Variants in PATJ observed in about 807,000 individuals in gnomAD.
The protein encoded by PATJ is inaD-like protein.
PATJ carries 190 observed loss-of-function variants against 224.9 expected under a neutral mutation model. The ratio of observed to expected loss-of-function variants is 0.84; its 90% CI spans 0.75 to 0.95. PATJ has a LOEUF of 0.95. Among genes scored for constraint, PATJ ranks in the 40% least tolerant of loss-of-function variants. The probability of loss-of-function intolerance (pLI) is 0.00; values close to 1 mark genes in which losing one functional copy is unlikely to be tolerated. For missense variants in PATJ, 2,121 were observed against 2,270.3 expected (o/e 0.93, Z 1.34); for synonymous variants, 769 against 820.3 (o/e 0.94, Z 1.07).
intron 37 of PATJ, chr1:62,120,779 A>G (rs1664950801): frequency 6.1e-6 from 1 of 164,302 alleles, no homozygotes; most frequent in African/African-American, 2.4e-5. Context: ...CAAAATACAT[A>G]ATACATTTTG....
chr1:61,867,569 T>TA (rs201686168), intron 20 of PATJ, among the ~76,000 whole-genome samples: 2 of 80,656 alleles, frequency 2.5e-5, no homozygotes, highest in South Asian at 9.0e-4. Context: ...TTAAAATCTG[T>TA]AAAATTTTTT....
rs1039186279 is a variant in PATJ, at chr1:61,903,592, T to A, written c.3381+2133T>A. Reference sequence around the variant, plus strand: ...CCCCCACTGTGATTATGGATTTGTTTGCTATTCTTTGTAATTCTGTTGGTT... The same window carrying A: ...CCCCCACTGTGATTATGGATTTGTTAGCTATTCTTTGTAATTCTGTTGGTT... On this transcript the variant is annotated intron_variant, in intron 24 of 43. Transcript: ENST00000642238. Among the ~76,000 whole-genome samples, 6 of 152,304 alleles carry A rather than the reference T, an allele frequency of 3.9e-5. No homozygotes were observed. The South Asian group carries it at 1.2e-3, about 32-fold the overall frequency.
At chr1:62,079,730 C>T (rs1274060333) in intron 32 of PATJ, among the ~76,000 whole-genome samples, 163 bp downstream of exon 32, 1 of 152,182 alleles carries the variant, frequency 6.6e-6, no homozygotes, top group Non-Finnish European at 1.5e-5. Context: ...TCATTTCCTA[C>T]ATCATTTTTC....
intron 41 of PATJ, among the ~76,000 whole-genome samples, chr1:62,140,584 C>T (rs1667399460): frequency 6.6e-6 from 1 of 151,808 alleles, no homozygotes; most frequent in Non-Finnish European, 1.5e-5. Context: ...ACCTGGGAGG[C>T]AGAGGTTGCA....
chr1:62,104,307 C>T (rs79778612), intron 33 of PATJ, among the ~76,000 whole-genome samples: 9,671 of 152,152 alleles, frequency 0.064, 878 homozygotes, highest in African/African-American at 0.2. Context: ...ACCTATTATT[C>T]CATCTATTCA....
chr1:62,072,337 G>A (rs986806375), intron 31 of PATJ: 3 of 151,882 alleles, frequency 2.0e-5, no homozygotes, highest in African/African-American at 7.3e-5. Flanking sequence ...AATGTCTTAA[G>A]GGGAAAAAAC....
At chr1:62,039,101 T>C in intron 30 of PATJ, 1 of 721,710 alleles carries the variant, frequency 1.4e-6, no homozygotes, top group Non-Finnish European at 2.6e-6. Context: ...GTACACAAAA[T>C]GGCCTCTTGA....
intron 41 of PATJ, among the ~76,000 whole-genome samples, chr1:62,141,448 C>A (rs564382386): frequency 6.6e-6 from 1 of 151,648 alleles, no homozygotes; most frequent in African/African-American, 2.4e-5. Flanking sequence ...GCCGAGATGG[C>A]CAGATCACTT....
rs151232440 is a variant in PATJ at position 62,135,453 on chromosome 1, T to C, written c.5271+6508T>C. Among the ~76,000 whole-genome samples the C allele has an allele frequency of 7.1e-3, 996 of 139,808 alleles. 12 individuals are homozygous for C. Among genetic ancestry groups the C allele is most frequent in the African/African-American group, 0.026 (950 of 37,234 alleles). 91.7% of individuals were successfully genotyped at this position (139,808 alleles called of 152,430 possible). A position where few individuals can be genotyped will look rare whatever the true frequency, so the allele number is the denominator to read the frequency against. On this transcript the variant is annotated intron_variant, in intron 41 of 43. Transcript: ENST00000642238. ...ATTGCTTGAACTCGGGAGGCAGAGG[T>C]TGCAATGAGATGAGATCGCGCCACT... is the stretch of plus-strand genomic sequence containing the variant.
intron 28 of PATJ, among the ~76,000 whole-genome samples, chr1:62,001,143 T>C (rs1166395528): frequency 2.0e-5 from 3 of 151,324 alleles, no homozygotes; most frequent in African/African-American, 7.3e-5. Flanking sequence ...GTAGGTTGCC[T>C]GTTCACTCTG....
chr1:62,163,536 C>G lies in PATJ; in HGVS notation c.*2482C>G, dbSNP rs138263653. 10 of 152,644 alleles carry G rather than the reference C, an allele frequency of 6.6e-5. No homozygotes were observed. In the East Asian group the frequency reaches 1.9e-3, roughly 29 times the overall value. The allele number at this position is 152,644 out of a possible 1,614,324, so 9.5% of individuals were successfully genotyped here. ...GTTGTGGTGTTTCTTTATACATTAT[C>G]CTTTTAGGTCGTGCTAGTAAAAGTA... On this transcript the variant is annotated 3_prime_UTR_variant, in exon 44 of 44. Transcript: ENST00000642238.
intron 27 of PATJ, among the ~76,000 whole-genome samples, chr1:61,962,382 G>A (rs1681441416): frequency 6.6e-6 from 1 of 152,160 alleles, no homozygotes; most frequent in Admixed American, 6.5e-5. Context: ...CTGACTATAT[G>A]TCCTTCTGTC....
At position 61,864,477 on chromosome 1, in the gene PATJ, C is replaced by A; in HGVS notation, c.2679C>A (p.His893Gln). 6.2e-7 allele frequency: 1 copy of A among 1,614,080 alleles called. No homozygotes were observed. The highest frequency in any genetic ancestry group is 8.5e-7 in the Non-Finnish European group (1 of 1,179,932). ...CCATGGAGTTGTATCCCTTGTCGCACATTCAAGAGGCCACTCCTGTGCCCT... is the reference window on the plus strand; with the variant it reads ...CCATGGAGTTGTATCCCTTGTCGCAAATTCAAGAGGCCACTCCTGTGCCCT... ...SPSMELYPLS[H>Q]IQEATPVPSV... Residue 893 changes from histidine (H) to glutamine (Q), a missense_variant, in exon 20 of 44, where the codon CAC (histidine) becomes CAA (glutamine). By Grantham distance (24) the His-to-Gln change is conservative. Coordinates refer to ENST00000642238, the MANE Select transcript of PATJ (RefSeq NM_001350145.3).
chr1:62,142,117 G>A (rs372729906), intron 41 of PATJ, among the ~76,000 whole-genome samples: 3 of 151,754 alleles, frequency 2.0e-5, no homozygotes, highest in South Asian at 4.3e-4. Flanking sequence ...GGCATTTGAC[G>A]ATACCTTAAA....
chr1:61,884,144 C>T lies in PATJ; in HGVS notation c.2960-93C>T, dbSNP rs1215861591. 4.9e-6 allele frequency: 4 copies of T among 808,348 alleles called. No homozygotes were observed. In the East Asian group the frequency reaches 7.9e-5, roughly 16 times the overall value. The allele number at this position is 808,348 out of a possible 1,614,324, so 50.1% of individuals were successfully genotyped here. The stretch of plus-strand genomic sequence containing the variant: ...TTTCAGTCTCCTACCTGGAAGAGTC[C>T]CCTCCCATAGTAGGTGCCCATACCT... On this transcript the variant is annotated intron_variant, in intron 21 of 43. Coordinates refer to ENST00000642238, the MANE Select transcript of PATJ (RefSeq NM_001350145.3).
chr1:61,903,916 G>A (rs1272397225), intron 24 of PATJ, among the ~76,000 whole-genome samples: 1 of 151,862 alleles, frequency 6.6e-6, no homozygotes, highest in Non-Finnish European at 1.5e-5. Flanking sequence ...AGGATTACAG[G>A]CACCCACCAC....
At chr1:62,002,776 G>A (rs1645866078) in intron 28 of PATJ, among the ~76,000 whole-genome samples, 1 of 151,716 alleles carries the variant, frequency 6.6e-6, no homozygotes. Context: ...CAGTTAGGGA[G>A]TGATAGAGTC....
At chr1:62,135,339 G>A (rs1194212995) in intron 41 of PATJ, among the ~76,000 whole-genome samples, 1 of 151,324 alleles carries the variant, frequency 6.6e-6, no homozygotes, top group Non-Finnish European at 1.5e-5. Flanking sequence ...CCAACGTGGT[G>A]AAACCCCCTC....
At chr1:61,930,173 A>C (rs1675813254) in intron 27 of PATJ, among the ~76,000 whole-genome samples, 1 of 152,078 alleles carries the variant, frequency 6.6e-6, no homozygotes, top group Non-Finnish European at 1.5e-5. Context: ...CCCCGTGTAC[A>C]GTCCCCATTT....
Sources: allele counts gnomAD v4.1 joint callset (sites outside exome capture counted in the v4.1 genomes callset), GRCh38; gene constraint gnomAD v4.1.1; transcripts MANE v1.5; gene names NCBI Gene and HGNC (gene_info 2026-07-23, HGNC 2026-07-21).